Variants in CASR observed in about 807,000 individuals in gnomAD.
The protein encoded by CASR is calcium sensing receptor.
CASR carries 23 observed loss-of-function variants against 69.1 expected under a neutral mutation model. That is an observed-to-expected ratio of 0.33 (90% CI 0.24 to 0.47). The LOEUF is 0.47. Among genes scored for constraint, CASR ranks in the 20% least tolerant of loss-of-function variants. The pLI is 1.00. For missense variants in CASR, 924 were observed against 1,356.1 expected, an observed-to-expected ratio of 0.68 and a Z score of 5.00; for synonymous variants, 541 against 544.7, an observed-to-expected ratio of 0.99 and a Z score of 0.10.
At chr3:122,232,717 G>A (rs1295947573) in intron 1 of CASR, among the ~76,000 whole-genome samples, 1 of 152,138 alleles carries the variant, frequency 6.6e-6, no homozygotes, top group African/African-American at 2.4e-5. Flanking sequence ...TCTTCAAGGT[G>A]AGAGTCTTCA....
Position 122,276,010 on chromosome 3 carries a change from G to A in CASR, c.1576G>A (p.Glu526Lys), listed in dbSNP as rs201568219. 2 of 1,613,750 alleles carry A rather than the reference G, an allele frequency of 1.2e-6. No individual in the cohort carries two copies. The highest frequency in any genetic ancestry group is 1.7e-6 in the Non-Finnish European group (2 of 1,179,658). ...GGGAGAAAGACTCTTCATCAACGAG[G>A]AGAAAATCCTGTGGAGTGGGTTCTC... ...KKGERLFINE[E>K]KILWSGFSRE... is the part of the protein sequence containing the mutation. The change falls in exon 5 of 7, where the codon GAG (glutamate) becomes AAG (lysine). Residue 526 changes from glutamate to lysine, a missense_variant. Transcript: ENST00000639785.
At chr3:122,262,436 A>T (rs777348512) in intron 4 of CASR, 24 bp downstream of exon 4, 1 of 1,604,288 alleles carries the variant, frequency 6.2e-7, no homozygotes, top group Admixed American at 1.7e-5. Flanking sequence ...TTATATAGCA[A>T]TTTGCTGTAT....
intron 5 of CASR, among the ~76,000 whole-genome samples, chr3:122,278,116 A>G (rs924427133): frequency 6.8e-6 from 1 of 146,104 alleles, no homozygotes; most frequent in African/African-American, 2.6e-5. Context: ...TGTATTTCAC[A>G]AAGTTGTTAT....
chr3:122,210,732 C>A lies in CASR; in HGVS notation c.-243+26920C>A, dbSNP rs28790019. Among the ~76,000 whole-genome samples the A allele has an allele frequency of 2.2e-3, 332 of 152,194 alleles. 1 individual carries two copies. The highest frequency in any genetic ancestry group is 4.9e-3 in the African/African-American group (205 of 41,538). The stretch of plus-strand genomic sequence containing the variant: ...ACATTCTTCACAGAATTAGAAAAAA[C>A]CACTTTAAAATTTATATGGAGCCAA... On this transcript the variant is annotated intron_variant, in intron 1 of 6. Transcript: ENST00000639785.
At chr3:122,211,867 C>T (rs1420323841) in intron 1 of CASR, among the ~76,000 whole-genome samples, 1 of 152,196 alleles carries the variant, frequency 6.6e-6, no homozygotes, top group Non-Finnish European at 1.5e-5. Flanking sequence ...GAGATATTAT[C>T]TCATGCCAGT....
At chr3:122,273,532 T>A (rs545374815) in intron 4 of CASR, among the ~76,000 whole-genome samples, 1 of 152,232 alleles carries the variant, frequency 6.6e-6, no homozygotes, top group Non-Finnish European at 1.5e-5. Flanking sequence ...TGGCATGGCA[T>A]GTGGACAGGA....
At chr3:122,255,250 T>C (rs140840608) in intron 2 of CASR, among the ~76,000 whole-genome samples, 2 of 150,580 alleles carry the variant, frequency 1.3e-5, no homozygotes, top group African/African-American at 2.4e-5. Context: ...GGACTGTTTA[T>C]CACCTCCCCT....
Position 122,254,243 on chromosome 3 carries a change from T to G in CASR, c.54T>G (p.Ser18=), listed in dbSNP as rs558522564. The change falls in exon 2 of 7, where the codon TCT becomes TCG. Residue 18 remains serine (S), a synonymous_variant. Coordinates refer to ENST00000639785, the MANE Select transcript of CASR (RefSeq NM_000388.4). ...TCTTGGCACTCACCTGGCACACCTC[T>G]GCCTACGGGCCAGACCAGCGAGCCC... ...WVLLALTWHT[S]AYGPDQRAQK... The G allele has an allele frequency of 1.6e-5, 26 of 1,613,912 alleles. No homozygotes were observed. In the South Asian group the frequency reaches 2.6e-4, roughly 16 times the overall value.
chr3:122,280,235 C>T (rs146414363), intron 5 of CASR, among the ~76,000 whole-genome samples: 9,326 of 152,234 alleles, frequency 0.061, 494 homozygotes, highest in Admixed American at 0.17. Context: ...CCATTTATGA[C>T]AAACCCACAG....
intron 1 of CASR, among the ~76,000 whole-genome samples, chr3:122,211,031 C>G (rs930632601): frequency 2.6e-5 from 4 of 152,094 alleles, no homozygotes; most frequent in African/African-American, 7.2e-5. Flanking sequence ...AATGGGCTAG[C>G]CATATGCAGA....
intron 5 of CASR, among the ~76,000 whole-genome samples, chr3:122,277,122 C>T (rs947165709): frequency 3.4e-5 from 5 of 148,812 alleles, no homozygotes; most frequent in Admixed American, 6.8e-5. Flanking sequence ...AATCTCGGCT[C>T]GCTGAAGCCT....
intron 1 of CASR, among the ~76,000 whole-genome samples, chr3:122,204,649 A>C (rs1203422202): frequency 1.3e-5 from 2 of 152,170 alleles, no homozygotes; most frequent in East Asian, 1.9e-4. Context: ...AGGAACCTCC[A>C]AGCTATTCTC....
At chr3:122,266,726 CA>C (rs774306093) in intron 4 of CASR, among the ~76,000 whole-genome samples, 3 of 151,882 alleles carry the variant, frequency 2.0e-5, no homozygotes, top group African/African-American at 4.8e-5. Flanking sequence ...CAAAAGAAGC[CA>C]GGGGCAGTGG....
chr3:122,214,343 G>A (rs762538596), intron 1 of CASR, among the ~76,000 whole-genome samples: 1 of 151,792 alleles, frequency 6.6e-6, no homozygotes, highest in Non-Finnish European at 1.5e-5. Context: ...TGGCGGGGGT[G>A]GGGGGCAGTA....
intron 1 of CASR, among the ~76,000 whole-genome samples, chr3:122,223,111 G>T (rs1010171995): frequency 2.0e-5 from 3 of 152,042 alleles, no homozygotes; most frequent in Non-Finnish European, 4.4e-5. Context: ...CCTACATCAA[G>T]AAGTTAGAAA....
intron 1 of CASR, among the ~76,000 whole-genome samples, chr3:122,216,561 T>G (rs6799828): frequency 0.48 from 73,135 of 152,084 alleles, 18,481 homozygotes; most frequent in African/African-American, 0.57. Context: ...CTCAGAGTTC[T>G]TATGCTGCAT....
rs568902441 is a variant in CASR at position 122,254,263 on chromosome 3, G to T, written c.74G>T (p.Arg25Leu). The change falls in exon 2 of 7, where the codon CGA becomes CTA. Residue 25 changes from arginine to leucine, a missense_variant. Transcript: ENST00000639785. ...ACCTCTGCCTACGGGCCAGACCAGC[G>T]AGCCCAAAAGAAGGGGGACATTATC... ...WHTSAYGPDQ[R>L]AQKKGDIILG... is the part of the protein sequence containing the mutation. 1 of 1,614,018 alleles carries T rather than the reference G, an allele frequency of 6.2e-7. No homozygotes were observed. The highest frequency in any genetic ancestry group is 1.3e-5 in the African/African-American group (1 of 74,998).
chr3:122,226,786 A>G (rs1399390008), intron 1 of CASR, among the ~76,000 whole-genome samples: 1 of 151,950 alleles, frequency 6.6e-6, no homozygotes, highest in Non-Finnish European at 1.5e-5. Context: ...AGCTAGACAT[A>G]AAGATTCTCC....
At chr3:122,277,259 C>G (rs533746616) in intron 5 of CASR, among the ~76,000 whole-genome samples, 38 of 152,054 alleles carry the variant, frequency 2.5e-4, no homozygotes, top group Non-Finnish European at 4.7e-4. Context: ...GTTGGCCAGG[C>G]TGGTCACGAA....
Sources: allele counts gnomAD v4.1 joint callset (sites outside exome capture counted in the v4.1 genomes callset), GRCh38; gene constraint gnomAD v4.1.1; transcripts MANE v1.5; gene names NCBI Gene and HGNC (gene_info 2026-07-23, HGNC 2026-07-21).